Variants in SNX3 observed in about 807,000 individuals in gnomAD.
SNX3 encodes sorting nexin 3, also known as sorting nexin-3.
Under a neutral mutation model 17.7 loss-of-function variants are expected in SNX3, and 5 were observed. The ratio of observed to expected loss-of-function variants is 0.28; its 90% CI spans 0.15 to 0.59. The LOEUF (loss-of-function observed/expected upper bound fraction) is 0.59, where lower values mean the gene tolerates loss of function less well. Ranked by LOEUF, SNX3 falls within the 20% of genes least tolerant of loss-of-function variation. The pLI is 0.88. For missense variants in SNX3, 132 were observed against 206.8 expected, an observed-to-expected ratio of 0.64 and a Z score of 2.22; for synonymous variants, 91 against 76.5, an observed-to-expected ratio of 1.19 and a Z score of -0.99.
Position 108,256,234 on chromosome 6 carries a change from AAAAT to A in SNX3, c.162+4522_162+4525del, listed in dbSNP as rs141185308. 2.5e-4 allele frequency among the ~76,000 whole-genome samples: 38 copies of A among 152,320 alleles called. No individual in the cohort carries two copies. In the East Asian group the frequency reaches 6.0e-3, roughly 24 times the overall value. On this transcript the variant is annotated intron_variant, in intron 1 of 3. Coordinates refer to ENST00000230085, the MANE Select transcript of SNX3 (RefSeq NM_003795.6). ...AGACAGAGGGAGACCCTGTCTCGAAAAAATAAATACATACACAAAGGTTACTTGG... is the reference window on the plus strand; with the variant it reads ...AGACAGAGGGAGACCCTGTCTCGAAAAAATACATACACAAAGGTTACTTGG...
chr6:108,228,781 GAATT>G (rs1050139838), intron 1 of SNX3, among the ~76,000 whole-genome samples: 1 of 151,662 alleles, frequency 6.6e-6, no homozygotes, highest in Non-Finnish European at 1.5e-5. Flanking sequence ...ATTTCAATGG[GAATT>G]AATCCTACAA....
intron 1 of SNX3, among the ~76,000 whole-genome samples, chr6:108,253,294 G>C (rs534076030): frequency 1.3e-5 from 2 of 152,222 alleles, no homozygotes; most frequent in South Asian, 4.1e-4. Flanking sequence ...ACTTGGCTGA[G>C]GTAGGAGGCT....
intron 1 of SNX3, among the ~76,000 whole-genome samples, chr6:108,228,020 T>C (rs1167385458): frequency 6.6e-6 from 1 of 152,170 alleles, no homozygotes; most frequent in Non-Finnish European, 1.5e-5. Flanking sequence ...GAATCATTAT[T>C]TATAATGATG....
chr6:108,237,969 C>A (rs769607444), intron 1 of SNX3, among the ~76,000 whole-genome samples: 3 of 151,222 alleles, frequency 2.0e-5, no homozygotes, highest in African/African-American at 7.3e-5. Context: ...TGGTGGCACG[C>A]GCCTGTAGTC....
chr6:108,224,936 T>A (rs183376723), intron 1 of SNX3, among the ~76,000 whole-genome samples: 2,765 of 152,262 alleles, frequency 0.018, 41 homozygotes, highest in Middle Eastern at 0.075. Context: ...CTTCTAAATT[T>A]AAAAAAAGTA....
chr6:108,223,005 C>G lies in SNX3; in HGVS notation c.203G>C (p.Arg68Thr). 2 of 1,608,562 alleles carry G rather than the reference C, an allele frequency of 1.2e-6. No individual in the cohort carries two copies. Among genetic ancestry groups the G allele is most frequent in the Non-Finnish European group, 1.7e-6 (2 of 1,176,482 alleles). ...PIFKLKESTV[R>T]RRYSDFEWLR... ...CCATTCAAAGTCACTGTATCTTCTTCTAACAGTAGATTCTTTCAGCTTGAA... is the reference window on the plus strand; with the variant it reads ...CCATTCAAAGTCACTGTATCTTCTTGTAACAGTAGATTCTTTCAGCTTGAA... The change falls in exon 2 of 4, where the codon AGA becomes ACA. Residue 68 changes from arginine (R) to threonine (T), a missense_variant. This residue lies in a region of SNX3 where 78 missense variants were observed against 88.8 expected (regional missense o/e 0.88). Coordinates refer to ENST00000230085, the MANE Select transcript of SNX3 (RefSeq NM_003795.6).
chr6:108,213,302 T>G (rs1185764863), intron 3 of SNX3, among the ~76,000 whole-genome samples: 1 of 152,166 alleles, frequency 6.6e-6, no homozygotes. Flanking sequence ...ATTTTGTTTG[T>G]TTTTGCCTGC....
rs1483506768 is a variant in SNX3 at position 108,214,363 on chromosome 6, TTTTAC to T, written c.383+130_383+134del. The T allele has an allele frequency of 2.2e-5, 17 of 774,682 alleles. No individual in the cohort carries two copies. In the East Asian group the frequency reaches 4.4e-4, roughly 20 times the overall value. 48.0% of individuals were successfully genotyped at this position (774,682 alleles called of 1,614,324 possible). The stretch of plus-strand genomic sequence containing the variant: ...ACATGATATTCAACTTGTCAGATAC[TTTTAC>T]TTTGTTTAAATGATATGAAAAGTTA... On this transcript the variant is annotated intron_variant, in intron 3 of 3. Transcript: ENST00000230085.
At position 108,224,996 on chromosome 6, in the gene SNX3, T is replaced by A. The variant is rs548325642; in HGVS notation, c.163-1951A>T. On this transcript the variant is annotated intron_variant, in intron 1 of 3. Coordinates refer to ENST00000230085, the MANE Select transcript of SNX3 (RefSeq NM_003795.6). ...TACTGGATCCCCTTTAAAGAAAAAA[T>A]ATGCGGCAGGGCGCGGTGGCTCATG... is the stretch of plus-strand genomic sequence containing the variant. Among the ~76,000 whole-genome samples the A allele has an allele frequency of 5.7e-4, 86 of 151,942 alleles. 1 individual carries two copies. The highest frequency in any genetic ancestry group is 2.0e-3 in the African/African-American group (82 of 41,470).
intron 1 of SNX3, among the ~76,000 whole-genome samples, chr6:108,244,084 A>G (rs1323182368): frequency 7.2e-5 from 11 of 152,166 alleles, no homozygotes; most frequent in African/African-American, 2.7e-4. Context: ...AAAAAGACAT[A>G]AAGAACTACT....
intron 1 of SNX3, among the ~76,000 whole-genome samples, chr6:108,226,800 T>A (rs1308226616): frequency 6.6e-6 from 1 of 152,218 alleles, no homozygotes; most frequent in Non-Finnish European, 1.5e-5. Flanking sequence ...CTATGTTGTA[T>A]ACCTTACAGC....
At chr6:108,247,786 G>T (rs543159724) in intron 1 of SNX3, among the ~76,000 whole-genome samples, 1 of 151,874 alleles carries the variant, frequency 6.6e-6, no homozygotes, top group Non-Finnish European at 1.5e-5. Flanking sequence ...CTACCATACC[G>T]CCTGAACATC....
chr6:108,238,217 T>C (rs1775410387), intron 1 of SNX3, among the ~76,000 whole-genome samples: 2 of 151,864 alleles, frequency 1.3e-5, no homozygotes, highest in East Asian at 3.9e-4. Context: ...CATTAGCTGA[T>C]TTTATGACAC....
At chr6:108,260,655 G>A (rs968652654) in intron 1 of SNX3, 105 bp downstream of exon 1, 13 of 1,341,646 alleles carry the variant, frequency 9.7e-6, no homozygotes, top group Admixed American at 9.6e-5. Context: ...GGGGGCTCCC[G>A]GCCTGGGAGG....
At position 108,261,023 on chromosome 6, in the gene SNX3, C is replaced by T. The variant is rs1322638651; in HGVS notation, c.-102G>A. 2.6e-6 allele frequency: 3 copies of T among 1,152,690 alleles called. No individual in the cohort carries two copies. Among genetic ancestry groups the T allele is most frequent in the South Asian group, 1.9e-5 (1 of 51,350 alleles). 71.4% of individuals were successfully genotyped at this position (1,152,690 alleles called of 1,614,324 possible). A position where few individuals can be genotyped will look rare whatever the true frequency, so the allele number is the denominator to read the frequency against. On this transcript the variant is annotated 5_prime_UTR_variant, in exon 1 of 4. Transcript: ENST00000230085. ...CCGCCGTGGGGACACGGGGCTCGCG[C>T]GCAGCGGTCGCGAAGAGAACGAGCA... is the stretch of plus-strand genomic sequence containing the variant.
At chr6:108,254,395 G>T (rs1346495895) in intron 1 of SNX3, among the ~76,000 whole-genome samples, 1 of 152,086 alleles carries the variant, frequency 6.6e-6, no homozygotes, top group Non-Finnish European at 1.5e-5. Context: ...AGCCCAGGAG[G>T]TCGAGGCTAC....
chr6:108,222,262 T>C (rs1479826173), intron 2 of SNX3: 4 of 1,304,290 alleles, frequency 3.1e-6, no homozygotes, highest in Non-Finnish European at 4.0e-6. Context: ...CTTTTCATCA[T>C]TCTGAGCACA....
At chr6:108,242,591 T>C (rs1006659497) in intron 1 of SNX3, among the ~76,000 whole-genome samples, 9 of 152,170 alleles carry the variant, frequency 5.9e-5, no homozygotes, top group African/African-American at 1.9e-4. Flanking sequence ...AGATGGTGCC[T>C]AAAATTGCCA....
intron 1 of SNX3, among the ~76,000 whole-genome samples, chr6:108,250,610 T>C (rs1775823674): frequency 1.3e-5 from 2 of 152,132 alleles, no homozygotes; most frequent in African/African-American, 4.8e-5. Context: ...CACTTGAAGA[T>C]AACCAGTAAA....
Sources: gnomAD v4.1 joint callset for allele counts (sites outside exome capture counted in the v4.1 genomes callset) on GRCh38, gnomAD v4.1.1 for gene constraint, gnomAD v4.1.1 regional missense constraint, MANE v1.5 for transcripts, NCBI Gene and HGNC (gene_info 2026-07-23, HGNC 2026-07-21) for gene names.